Variants in FRYL observed in about 807,000 individuals in gnomAD.
The protein encoded by FRYL is protein furry homolog-like.
FRYL carries 150 observed loss-of-function variants against 351.2 expected under a neutral mutation model. That is an observed-to-expected ratio of 0.43 (90% CI 0.37 to 0.49). FRYL has a LOEUF of 0.49. FRYL is among the 20% of genes least tolerant of loss of function. The pLI is 0.00. For missense variants in FRYL, 3,036 were observed against 3,619.3 expected (o/e 0.84, Z 4.13); for synonymous variants, 1,153 against 1,257.1 (o/e 0.92, Z 1.75).
At chr4:48,664,111 A>G (rs1408431349) in intron 3 of FRYL, among the ~76,000 whole-genome samples, 2 of 152,254 alleles carry the variant, frequency 1.3e-5, no homozygotes, top group East Asian at 3.9e-4. Context: ...CTGGCTGACC[A>G]CGGTTAAAGT....
intron 15 of FRYL, among the ~76,000 whole-genome samples, chr4:48,594,967 T>C (rs1473811989): frequency 4.6e-5 from 7 of 152,144 alleles, no homozygotes; most frequent in Non-Finnish European, 4.4e-5. Context: ...CTTGAGGATA[T>C]AATTTAAACC....
intron 42 of FRYL, among the ~76,000 whole-genome samples, 157 bp from the exon 43 acceptor site, chr4:48,545,061 A>T (rs1349823566): frequency 6.6e-6 from 1 of 152,242 alleles, no homozygotes; most frequent in Admixed American, 6.5e-5. Context: ...ATATGTAATG[A>T]TCTACAGCAA....
intron 7 of FRYL, among the ~76,000 whole-genome samples, chr4:48,612,497 C>CGTGTGT (rs10657991): frequency 0.21 from 31,246 of 149,978 alleles, 3,828 homozygotes; most frequent in Non-Finnish European, 0.29. Flanking sequence ...TGTGTGTGCA[C>CGTGTGT]GTGTGTGTGT....
rs1764973469 is a variant in FRYL, at chr4:48,684,670, T to C, written c.-81+3A>G. ...GCCTTGAGAATATTTACTATAATCT[T>C]ACCGTATCACTTGAGACAGTAATTT... On this transcript the variant is annotated splice_donor_region_variant and intron_variant, in intron 3 of 63. Coordinates refer to ENST00000358350, the MANE Select transcript of FRYL (RefSeq NM_015030.2). The C allele has an allele frequency of 1.3e-5, 2 of 152,250 alleles. No homozygotes were observed. The highest frequency in any genetic ancestry group is 2.9e-5 in the Non-Finnish European group (2 of 68,036). The allele number at this position is 152,250 out of a possible 1,614,324, so 9.4% of individuals were successfully genotyped here.
Position 48,663,250 on chromosome 4 carries a change from G to T in FRYL, c.-81+21423C>A, listed in dbSNP as rs139806591. On this transcript the variant is annotated intron_variant, in intron 3 of 63. Coordinates refer to ENST00000358350, the MANE Select transcript of FRYL (RefSeq NM_015030.2). ...CAGGTTCTTATATTATATGTAAAAT[G>T]TTATCCTACTATTTGAAAGTAGGCT... Among the ~76,000 whole-genome samples the T allele has an allele frequency of 1.1e-4, 16 of 151,782 alleles. No homozygotes were observed. In the East Asian group the frequency reaches 2.9e-3, roughly 27 times the overall value.
Position 48,540,944 on chromosome 4 carries a change from G to T in FRYL, c.5704C>A (p.Pro1902Thr). ...GCTGCATACTTGTTTCCCATTATAG[G>T]ATCATGATATGAGGTTCTTAAAAAA... ...SALSQTSYHDPIMGNKYAANR... is the reference protein window; with the variant it reads ...SALSQTSYHDTIMGNKYAANR... The change falls in exon 46 of 64, where the codon CCT (proline) becomes ACT (threonine). Residue 1902 changes from proline (P) to threonine (T), a missense_variant. By Grantham distance (38) the Pro-to-Thr change is conservative. Coordinates refer to ENST00000358350, the MANE Select transcript of FRYL (RefSeq NM_015030.2). The T allele has an allele frequency of 1.3e-6, 2 of 1,592,690 alleles. No individual in the cohort carries two copies. The highest frequency in any genetic ancestry group is 1.7e-6 in the Non-Finnish European group (2 of 1,166,656).
chr4:48,766,068 T>C (rs1560374114), intron 1 of FRYL, among the ~76,000 whole-genome samples: 1 of 152,200 alleles, frequency 6.6e-6, no homozygotes, highest in Non-Finnish European at 1.5e-5. Flanking sequence ...GAAAACAGTA[T>C]GGAGGTTCCT....
At chr4:48,560,944 T>A (rs1735360485) in intron 33 of FRYL, among the ~76,000 whole-genome samples, 1 of 152,152 alleles carries the variant, frequency 6.6e-6, no homozygotes, top group South Asian at 2.1e-4. Flanking sequence ...GATCCCAGTG[T>A]TGGAGCATGG....
At chr4:48,704,839 C>T (rs1413394155) in intron 2 of FRYL, among the ~76,000 whole-genome samples, 1 of 151,908 alleles carries the variant, frequency 6.6e-6, no homozygotes, top group Non-Finnish European at 1.5e-5. Context: ...ATCCCAGCTA[C>T]TCAGGAGGCT....
intron 2 of FRYL, among the ~76,000 whole-genome samples, chr4:48,706,317 G>T (rs1767340510): frequency 6.6e-6 from 1 of 152,118 alleles, no homozygotes; most frequent in Non-Finnish European, 1.5e-5. Flanking sequence ...CCTTAAAAAA[G>T]AATGAAATTC....
Position 48,557,573 on chromosome 4 carries a change from A to G in FRYL, c.4005T>C (p.Asp1335=), listed in dbSNP as rs369462310. ...TAAGTTCTCGGTCTTTTAAGGAATCATCTTCATCTTCATCATGTCGCCTTG... is the reference window on the plus strand; with the variant it reads ...TAAGTTCTCGGTCTTTTAAGGAATCGTCTTCATCTTCATCATGTCGCCTTG... ...PTARRHDEDE[D]DSLKDRELMV... is the part of the protein sequence containing the mutation. The change falls in exon 34 of 64, where the codon GAT becomes GAC. Residue 1335 remains aspartate (D), a synonymous_variant. Transcript: ENST00000358350. 18 of 1,614,140 alleles carry G rather than the reference A, an allele frequency of 1.1e-5. No homozygotes were observed. The highest frequency in any genetic ancestry group is 7.7e-5 in the South Asian group (7 of 91,076).
At chr4:48,566,259 C>T (rs1736756940) in intron 28 of FRYL, among the ~76,000 whole-genome samples, 1 of 152,170 alleles carries the variant, frequency 6.6e-6, no homozygotes, top group Non-Finnish European at 1.5e-5. Flanking sequence ...ATCAGAGAAC[C>T]TCAGGGCTTT....
chr4:48,662,524 C>G (rs879578913), intron 3 of FRYL, among the ~76,000 whole-genome samples: 8 of 150,846 alleles, frequency 5.3e-5, no homozygotes, highest in Admixed American at 5.3e-4. Flanking sequence ...TGGCTAAACC[C>G]ACAAATCCAA....
chr4:48,601,543 G>A lies in FRYL; in HGVS notation c.1035+477C>T, dbSNP rs193242212. Among the ~76,000 whole-genome samples, 73 of 152,218 alleles carry A rather than the reference G, an allele frequency of 4.8e-4. 1 individual carries two copies. The highest frequency in any genetic ancestry group is 1.6e-3 in the African/African-American group (68 of 41,538). On this transcript the variant is annotated intron_variant, in intron 13 of 63. Transcript: ENST00000358350. Reference sequence around the variant, plus strand: ...TTCATTCAAGTCAGAATCATTTCAGGAGCTTTTACATCTGTGCAGATCCAG... The same window carrying A: ...TTCATTCAAGTCAGAATCATTTCAGAAGCTTTTACATCTGTGCAGATCCAG...
intron 36 of FRYL, among the ~76,000 whole-genome samples, chr4:48,552,244 G>GGTGTGTGTGTGTGTGT (rs67155390): frequency 1.3e-3 from 194 of 145,344 alleles, no homozygotes; most frequent in African/African-American, 4.4e-3. Flanking sequence ...AGTCCAAAGG[G>GGTGTGTGTGTGTGTGT]GTGTGTGTGT....
intron 3 of FRYL, among the ~76,000 whole-genome samples, chr4:48,651,775 CT>C (rs906751694): frequency 5.3e-5 from 8 of 152,182 alleles, no homozygotes; most frequent in African/African-American, 1.9e-4. Context: ...ACCCCTCCCC[CT>C]ATGAGTTGTA....
chr4:48,515,692 A>G (rs1723441136), intron 55 of FRYL, among the ~76,000 whole-genome samples: 1 of 152,156 alleles, frequency 6.6e-6, no homozygotes, highest in South Asian at 2.1e-4. Flanking sequence ...TTTTTGAATC[A>G]GTTATAAATT....
At chr4:48,616,127 T>A (rs1246739213) in intron 7 of FRYL, among the ~76,000 whole-genome samples, 3 of 151,900 alleles carry the variant, frequency 2.0e-5, no homozygotes, top group African/African-American at 7.3e-5. Flanking sequence ...AGCTGATGGG[T>A]TGATGGGTGC....
intron 10 of FRYL, 51 bp from the exon 11 acceptor site, chr4:48,605,884 A>C (rs1157929231): frequency 9.3e-7 from 1 of 1,081,002 alleles, no homozygotes; most frequent in Non-Finnish European, 1.4e-6. Context: ...GAAAGGTTAA[A>C]GAATTTGTAA....
Sources: allele counts gnomAD v4.1 joint callset (sites outside exome capture counted in the v4.1 genomes callset), GRCh38; gene constraint gnomAD v4.1.1; transcripts MANE v1.5; gene names NCBI Gene and HGNC (gene_info 2026-07-23, HGNC 2026-07-21).